Variants in TSPEAR observed in about 807,000 individuals in gnomAD.
The protein encoded by TSPEAR is thrombospondin type laminin G domain and EAR repeats.
TSPEAR carries 69 observed loss-of-function variants against 71.6 expected under a neutral mutation model. That is an observed-to-expected ratio of 0.96 (90% CI 0.79 to 1.18). TSPEAR has a LOEUF of 1.18. Ranked by LOEUF, TSPEAR falls within the 50% of genes most tolerant of loss-of-function variation. TSPEAR has a pLI of 0.00. For synonymous variants in TSPEAR, 402 were observed against 387.2 expected (o/e 1.04, Z -0.45); for missense variants, 971 against 894.9 (o/e 1.09, Z -1.09).
At chr21:44,641,285 G>T (rs1984005948) in intron 1 of TSPEAR, among the ~76,000 whole-genome samples, 1 of 152,182 alleles carries the variant, frequency 6.6e-6, no homozygotes, top group African/African-American at 2.4e-5. Flanking sequence ...AGAACAGGGT[G>T]CTACCAAAAA....
chr21:44,660,403 C>T (rs879988113), intron 1 of TSPEAR, among the ~76,000 whole-genome samples: 12 of 152,172 alleles, frequency 7.9e-5, no homozygotes, highest in Non-Finnish European at 1.0e-4. Flanking sequence ...TAAAAGCAGA[C>T]TACGAGCATA....
chr21:44,572,231 G>A lies in TSPEAR; in HGVS notation c.83-4226C>T, dbSNP rs377742950. The stretch of plus-strand genomic sequence containing the variant: ...GAGGCCAAGGAGAGATTGGGCAACC[G>A]TCACAAACCAGAGAAGTCGAGGAGA... On this transcript the variant is annotated intron_variant, in intron 1 of 11. Transcript: ENST00000323084. 2.0e-4 allele frequency among the ~76,000 whole-genome samples: 31 copies of A among 152,304 alleles called. No homozygotes were observed. In the East Asian group the frequency reaches 3.1e-3, roughly 15 times the overall value.
chr21:44,637,375 T>G, intron 1 of TSPEAR: 1 of 1,577,926 alleles, frequency 6.3e-7, no homozygotes, highest in Non-Finnish European at 8.6e-7. Context: ...ACACACTCAC[T>G]CACTCACACA....
At chr21:44,617,856 T>C (rs2146187613) in intron 1 of TSPEAR, among the ~76,000 whole-genome samples, 1 of 152,376 alleles carries the variant, frequency 6.6e-6, no homozygotes, top group South Asian at 2.1e-4. Context: ...TTCCACTATA[T>C]ACCTTTCCAC....
At chr21:44,693,647 ATTTT>A (rs56891630) in intron 1 of TSPEAR, among the ~76,000 whole-genome samples, 107 of 151,216 alleles carry the variant, frequency 7.1e-4, no homozygotes, top group African/African-American at 2.4e-3. Context: ...GATGGCTGTA[ATTTT>A]TTTTTTTTAA....
At chr21:44,657,046 T>C (rs1160176791) in intron 1 of TSPEAR, among the ~76,000 whole-genome samples, 2 of 152,130 alleles carry the variant, frequency 1.3e-5, no homozygotes, top group Non-Finnish European at 2.9e-5. Flanking sequence ...ACAGGATTCC[T>C]GCCTCCCCTG....
intron 7 of TSPEAR, chr21:44,526,052 A>G (rs901911813): frequency 2.1e-6 from 1 of 468,952 alleles, no homozygotes; most frequent in East Asian, 3.0e-5. Context: ...GAAAATGTCC[A>G]TATTCTTTAC....
intron 1 of TSPEAR, among the ~76,000 whole-genome samples, chr21:44,656,029 G>A (rs1232140567): frequency 5.9e-5 from 9 of 152,144 alleles, no homozygotes; most frequent in Non-Finnish European, 1.2e-4. Context: ...CCGATCTGTG[G>A]CCATGTGGGA....
In TSPEAR at chr21:44,623,880, A is replaced by G. The variant is rs1982606490; in HGVS notation, c.83-55875T>C. Among the ~76,000 whole-genome samples the G allele has an allele frequency of 6.6e-6, 1 of 152,116 alleles. No homozygotes were observed. The highest frequency in any genetic ancestry group is 1.9e-4 in the East Asian group (1 of 5,202). ...TTTGGATTTCAGCCCCAATATGCACAGGCATGGTTTCCTTTGTATTCACCT... is the reference window on the plus strand; with the variant it reads ...TTTGGATTTCAGCCCCAATATGCACGGGCATGGTTTCCTTTGTATTCACCT... On this transcript the variant is annotated intron_variant, in intron 1 of 11. Coordinates refer to ENST00000323084, the MANE Select transcript of TSPEAR (RefSeq NM_144991.3). This position sits in a 1 kb window ranked among gnomAD's most constrained non-coding sequence, Gnocchi z 4.5.
chr21:44,650,192 G>A (rs963251965), intron 1 of TSPEAR, among the ~76,000 whole-genome samples: 136 of 150,596 alleles, frequency 9.0e-4, no homozygotes, highest in African/African-American at 3.1e-3. Flanking sequence ...CTCCAGCCTG[G>A]GTGACCAGGC....
At position 44,622,718 on chromosome 21, in the gene TSPEAR, G is replaced by C. The variant is rs587596169; in HGVS notation, c.83-54713C>G. 4.6e-5 allele frequency among the ~76,000 whole-genome samples: 7 copies of C among 152,248 alleles called. 1 individual carries two copies. The South Asian group carries it at 1.5e-3, about 32-fold the overall frequency. ...TTGGATTTAAGGTTCACTATAACCC[G>C]GTATGACCTCATTTTAACTAATTTC... On this transcript the variant is annotated intron_variant, in intron 1 of 11. Transcript: ENST00000323084.
intron 2 of TSPEAR, chr21:44,558,129 G>C (rs587625824): frequency 5.6e-6 from 9 of 1,613,162 alleles, no homozygotes; most frequent in Non-Finnish European, 7.6e-6. Context: ...GCAGAGGAGG[G>C]ACACGCAGGA....
At position 44,527,406 on chromosome 21, in the gene TSPEAR, G is replaced by A. The variant is rs2052879472; in HGVS notation, c.1035C>T (p.Ala345=). The change falls in exon 7 of 12, where the codon GCC becomes GCT. Residue 345 remains alanine, a synonymous_variant. Transcript: ENST00000323084. ...AGACGGCGGATGTGGCTTTGCGATTGGCTGTGGCCACAAAGAGCCCCACCT... is the reference window on the plus strand; with the variant it reads ...AGACGGCGGATGTGGCTTTGCGATTAGCTGTGGCCACAAAGAGCCCCACCT... ...IPQVGLFVAT[A]NRKATSAVYK... 2.5e-6 allele frequency: 4 copies of A among 1,614,210 alleles called. No individual in the cohort carries two copies. Among genetic ancestry groups the A allele is most frequent in the Non-Finnish European group, 3.4e-6 (4 of 1,180,038 alleles).
At chr21:44,571,903 A>G (rs2053803756) in intron 1 of TSPEAR, among the ~76,000 whole-genome samples, 1 of 152,238 alleles carries the variant, frequency 6.6e-6, no homozygotes, top group South Asian at 2.1e-4. Context: ...CAAGGCAGGG[A>G]GGAGAATCCT....
intron 1 of TSPEAR, among the ~76,000 whole-genome samples, chr21:44,693,287 C>G (rs2061489233): frequency 6.6e-6 from 1 of 152,092 alleles, no homozygotes; most frequent in Admixed American, 6.5e-5. Flanking sequence ...ATGCTTTATT[C>G]CCTTGGATTT....
At chr21:44,523,608 GTCA>G (rs1278562560) in intron 8 of TSPEAR, among the ~76,000 whole-genome samples, 1 of 151,940 alleles carries the variant, frequency 6.6e-6, no homozygotes, top group Non-Finnish European at 1.5e-5. Context: ...TAGGTAGTCA[GTCA>G]TCAGTCAGGT....
chr21:44,676,215 G>A (rs1555946859), intron 1 of TSPEAR: 23 of 1,315,136 alleles, frequency 1.7e-5, no homozygotes, highest in Non-Finnish European at 2.3e-5. Flanking sequence ...CTACCCTTCG[G>A]GCCAGTTTTT....
intron 1 of TSPEAR, among the ~76,000 whole-genome samples, chr21:44,624,828 A>G (rs587604199): frequency 3.3e-5 from 5 of 152,332 alleles, no homozygotes; most frequent in Admixed American, 3.3e-4. Context: ...CAATAAGAAA[A>G]TCCAGAAGAA....
intron 2 of TSPEAR, among the ~76,000 whole-genome samples, chr21:44,537,685 C>G (rs2145996177): frequency 6.6e-6 from 1 of 151,980 alleles, no homozygotes; most frequent in African/African-American, 2.4e-5. Flanking sequence ...ACAATGAAAC[C>G]AATATCAGCA....
Sources: gnomAD v4.1 joint callset for allele counts (sites outside exome capture counted in the v4.1 genomes callset) on GRCh38, gnomAD v4.1.1 for gene constraint, Gnocchi (gnomAD v3.1) non-coding constraint, MANE v1.5 for transcripts, NCBI Gene and HGNC (gene_info 2026-07-23, HGNC 2026-07-21) for gene names.